The following MATR3 variants were observed in gnomAD, a reference collection of about 807,000 sequenced individuals.
MATR3 encodes matrin-3.
Under a neutral mutation model 85.5 loss-of-function variants are expected in MATR3, and 4 were observed. That is an observed-to-expected ratio of 0.05 (90% confidence interval 0.02 to 0.11). The LOEUF (loss-of-function observed/expected upper bound fraction) is 0.11, where lower values mean the gene tolerates loss of function less well. Among genes scored for constraint, MATR3 ranks in the 10% least tolerant of loss-of-function variants. The probability of loss-of-function intolerance (pLI) is 1.00; values close to 1 mark genes in which losing one functional copy is unlikely to be tolerated. For synonymous variants in MATR3, 336 were observed against 343.1 expected (o/e 0.98, Z 0.23); for missense variants, 685 against 1,016.1 (o/e 0.67, Z 4.43).
chr5:139,276,047 G>C (rs938114514), intron 1 of MATR3: 2 of 456,752 alleles, frequency 4.4e-6, no homozygotes, highest in Admixed American at 4.7e-5. Context: ...AAGTTACCGT[G>C]TTTTGAGGGG....
chr5:139,308,334 TAACTC>T lies in MATR3; in HGVS notation c.912+11_912+15del, dbSNP rs751129961. On this transcript the variant is annotated splice_region_variant and intron_variant, in intron 2 of 14. Coordinates refer to ENST00000394805, the MANE Select transcript of MATR3 (RefSeq NM_018834.6). ...GCCAGTTCATTCTAATAAGGTGAGT[TAACTC>T]AACAGATGCTTCTAATTTCTTTTAC... 15 of 1,614,056 alleles carry T rather than the reference TAACTC, an allele frequency of 9.3e-6. No individual in the cohort carries two copies. The highest frequency in any genetic ancestry group is 1.1e-5 in the Non-Finnish European group (13 of 1,179,910).
At chr5:139,281,652 G>A (rs946290743) in intron 3 of MATR3, among the ~76,000 whole-genome samples, 3 of 152,052 alleles carry the variant, frequency 2.0e-5, no homozygotes, top group Admixed American at 2.0e-4. Context: ...ACACCCAGCC[G>A]AAGTAGTTTT....
chr5:139,323,059 A>G (rs1755660773), intron 12 of MATR3, 92 bp downstream of exon 12: 9 of 1,246,336 alleles, frequency 7.2e-6, no homozygotes, highest in Non-Finnish European at 1.0e-5. Flanking sequence ...ATAGAATTAT[A>G]TGATTTAAAT....
At chr5:139,311,500 C>T (rs1754970877) in intron 2 of MATR3, 1 of 152,082 alleles carries the variant, frequency 6.6e-6, no homozygotes, top group Non-Finnish European at 1.5e-5. Context: ...ATTTTTTGAT[C>T]TTGGCCTTCC....
chr5:139,315,737 A>G lies in MATR3; in HGVS notation c.1015A>G (p.Met339Val). 6.2e-7 allele frequency: 1 copy of G among 1,609,674 alleles called. No individual in the cohort carries two copies. The highest frequency in any genetic ancestry group is 8.5e-7 in the Non-Finnish European group (1 of 1,176,136). Residue 339 changes from methionine (M) to valine (V), a missense_variant and splice_region_variant, in exon 4 of 15, where the codon ATG becomes GTG. Around this residue, in one of 9 missense-constraint regions of MATR3, gnomAD observed 223 missense variants for 334.4 expected, o/e 0.67. Coordinates refer to ENST00000394805, the MANE Select transcript of MATR3 (RefSeq NM_018834.6). Reference protein sequence around the residue: ...WNPDNDTGHTMGDPFMLQQST... With the variant: ...WNPDNDTGHTVGDPFMLQQST... Reference sequence around the variant, plus strand: ...TCCTGACAATGATACAGGACACACAATGTAAGTTAAATTTTTTAAGCTACC... The same window carrying G: ...TCCTGACAATGATACAGGACACACAGTGTAAGTTAAATTTTTTAAGCTACC...
Position 139,319,327 on chromosome 5 carries a change from A to G in MATR3, c.1435-7A>G. The G allele has an allele frequency of 6.2e-7, 1 of 1,613,832 alleles. No individual in the cohort carries two copies. ...ATTTGTCCTTTTGTTGTTGTTATTTATTAAAGAAACCTGAAGGAAAGCCAG... is the reference window on the plus strand; with the variant it reads ...ATTTGTCCTTTTGTTGTTGTTATTTGTTAAAGAAACCTGAAGGAAAGCCAG... On this transcript the variant is annotated splice_region_variant and splice_polypyrimidine_tract_variant and intron_variant, in intron 8 of 14. Coordinates refer to ENST00000394805, the MANE Select transcript of MATR3 (RefSeq NM_018834.6).
In MATR3 at chr5:139,325,524, G is replaced by C. The variant is rs772433814; in HGVS notation, c.2233G>C (p.Ala745Pro). 2 of 1,614,210 alleles carry C rather than the reference G, an allele frequency of 1.2e-6. No homozygotes were observed. Among genetic ancestry groups the C allele is most frequent in the Non-Finnish European group, 1.7e-6 (2 of 1,180,036 alleles). ...AAATGAGGAAAACACAGAACCAGGT[G>C]CTGAATCTTCTGAGAACGCTGATGA... is the stretch of plus-strand genomic sequence containing the variant. ...IKNEENTEPG[A>P]ESSENADDPN... Residue 745 changes from alanine (A) to proline (P), a missense_variant, in exon 13 of 15, where the codon GCT becomes CCT. Ala to Pro is a conservative substitution (Grantham distance 27). Around this residue, in one of 9 missense-constraint regions of MATR3, gnomAD observed 215 missense variants for 194.7 expected, o/e 1.10. Coordinates refer to ENST00000394805, the MANE Select transcript of MATR3 (RefSeq NM_018834.6).
intron 2 of MATR3, chr5:139,311,359 G>C (rs940565813): frequency 6.6e-6 from 1 of 152,084 alleles, no homozygotes; most frequent in Admixed American, 6.5e-5. Flanking sequence ...TTTTACAGGA[G>C]TTACCTCAGT....
chr5:139,307,404 G>T lies in MATR3; in HGVS notation c.-12G>T. On this transcript the variant is annotated 5_prime_UTR_variant, in exon 2 of 15. Transcript: ENST00000394805. The surrounding 1 kb of genome is among the most constrained non-coding windows in gnomAD (Gnocchi z 4.4). The stretch of plus-strand genomic sequence containing the variant: ...TTTTTAATCTATAAAATAGACAAGA[G>T]CTAGTTCTACAATGTCCAAGTCATT... The T allele has an allele frequency of 6.2e-7, 1 of 1,611,890 alleles. No homozygotes were observed. The highest frequency in any genetic ancestry group is 8.5e-7 in the Non-Finnish European group (1 of 1,178,716).
intron 14 of MATR3, 89 bp downstream of exon 14, chr5:139,326,373 C>G (rs750910604): frequency 8.0e-7 from 1 of 1,250,330 alleles, no homozygotes; most frequent in African/African-American, 1.5e-5. Flanking sequence ...GTATAGTGTT[C>G]TCTCTAGACT....
intron 2 of MATR3, chr5:139,278,815 G>T: frequency 3.9e-6 from 2 of 516,124 alleles, no homozygotes; most frequent in Non-Finnish European, 7.7e-6. Context: ...CTCATGTGGT[G>T]CCTGTGATGG....
intron 14 of MATR3, among the ~76,000 whole-genome samples, chr5:139,328,697 T>G (rs1313153810): frequency 6.6e-6 from 1 of 152,132 alleles, no homozygotes; most frequent in Non-Finnish European, 1.5e-5. Context: ...TTTGTTCAGG[T>G]GATTTAATGA....
intron 1 of MATR3, among the ~76,000 whole-genome samples, chr5:139,299,079 C>G (rs1264998557): frequency 6.6e-6 from 1 of 152,050 alleles, no homozygotes. Context: ...GGGAGGGAGT[C>G]GTTGGAAATT....
intron 13 of MATR3, 90 bp from the exon 14 acceptor site, chr5:139,326,073 G>T (rs1489426397): frequency 8.5e-7 from 1 of 1,182,752 alleles, no homozygotes; most frequent in Non-Finnish European, 1.2e-6. Flanking sequence ...AAAACATGTT[G>T]TTTCATTTAA....
upstream of MATR3, among the ~76,000 whole-genome samples, chr5:139,292,348 T>C (rs1753904132): frequency 6.6e-6 from 1 of 152,204 alleles, no homozygotes; most frequent in Non-Finnish European, 1.5e-5. Context: ...TAGGGTTATG[T>C]GTAAACTGCT....
At chr5:139,318,813 T>TG (rs1455889095) in intron 7 of MATR3, 95 bp from the exon 8 acceptor site, 99 of 1,097,032 alleles carry the variant, frequency 9.0e-5, no homozygotes, top group Non-Finnish European at 1.3e-4. Context: ...TGAAAAGATT[T>TG]GGGGCATTGT....
At chr5:139,281,359 T>G (rs1037650921) in intron 3 of MATR3, among the ~76,000 whole-genome samples, 8 of 146,354 alleles carry the variant, frequency 5.5e-5, no homozygotes, top group Admixed American at 3.4e-4. Flanking sequence ...TTTTTTTGTT[T>G]TTTTTTTTTT....
intron 3 of MATR3, among the ~76,000 whole-genome samples, chr5:139,284,181 AAG>A (rs1753627862): frequency 1.3e-5 from 2 of 152,326 alleles, no homozygotes; most frequent in South Asian, 4.1e-4. Context: ...GAATGAGGCT[AAG>A]AGTACCATTT....
At chr5:139,320,023 A>C (rs901187022) in intron 9 of MATR3, among the ~76,000 whole-genome samples, 9 of 147,976 alleles carry the variant, frequency 6.1e-5, no homozygotes, top group Non-Finnish European at 1.0e-4. Flanking sequence ...AAAAATATAG[A>C]GTTAGCCAGT....
Sources: allele counts gnomAD v4.1 joint callset (sites outside exome capture counted in the v4.1 genomes callset), GRCh38; gene constraint gnomAD v4.1.1; regional missense constraint gnomAD v4.1.1; non-coding constraint Gnocchi (gnomAD v3.1); transcripts MANE v1.5; gene names NCBI Gene and HGNC (gene_info 2026-07-23, HGNC 2026-07-21).